The following GPHN variants were observed in gnomAD, a reference collection of about 807,000 sequenced individuals.
The protein encoded by GPHN is gephyrin.
In GPHN, 17 loss-of-function variants were observed where a neutral mutation model predicts 95.5. That is an observed-to-expected ratio of 0.18 (90% CI 0.12 to 0.27). GPHN has a LOEUF of 0.27. Among genes scored for constraint, GPHN ranks in the 10% least tolerant of loss-of-function variants. The pLI, the probability that GPHN is intolerant of heterozygous loss-of-function variation, is 1.00. For synonymous variants in GPHN, 320 were observed against 322.5 expected (o/e 0.99, Z 0.08); for missense variants, 660 against 978.1 (o/e 0.67, Z 4.34).
intron 1 of GPHN, among the ~76,000 whole-genome samples, chr14:66,677,257 T>G (rs1448453199): frequency 2.0e-5 from 3 of 152,056 alleles, no homozygotes; most frequent in Non-Finnish European, 4.4e-5. Context: ...CCTTTGTGGG[T>G]TTTTGTCTCT....
intron 10 of GPHN, among the ~76,000 whole-genome samples, chr14:67,036,397 A>G (rs1027292505): frequency 6.6e-6 from 1 of 151,674 alleles, no homozygotes; most frequent in Non-Finnish European, 1.5e-5. Context: ...ATGAAAAGAA[A>G]GAAAATGCAT....
the GPHN span, among the ~76,000 whole-genome samples, chr14:67,536,921 TC>T: frequency 2.0e-5 from 3 of 151,432 alleles, no homozygotes; most frequent in African/African-American, 7.3e-5. Context: ...CCGCCTGTAA[TC>T]CCCGCTACTC....
intron 9 of GPHN, among the ~76,000 whole-genome samples, chr14:66,977,222 G>C (rs561304530): frequency 1.3e-5 from 2 of 152,124 alleles, no homozygotes; most frequent in Admixed American, 1.3e-4. Flanking sequence ...ACGAGGCCAG[G>C]AGATCGAGAC....
At chr14:66,756,203 A>G (rs900777243) in intron 2 of GPHN, among the ~76,000 whole-genome samples, 6 of 152,202 alleles carry the variant, frequency 3.9e-5, no homozygotes, top group African/African-American at 1.4e-4. Flanking sequence ...GATTTAATAT[A>G]CCTATAATAA....
At chr14:67,167,222 A>T (rs2082332929) in intron 20 of GPHN, among the ~76,000 whole-genome samples, 1 of 152,242 alleles carries the variant, frequency 6.6e-6, no homozygotes, top group Non-Finnish European at 1.5e-5. Flanking sequence ...AGTTTTTTAT[A>T]TCAGTCCTTC....
At chr14:67,654,218 C>T in the GPHN span, among the ~76,000 whole-genome samples, 1 of 152,168 alleles carries the variant, frequency 6.6e-6, no homozygotes, top group Non-Finnish European at 1.5e-5. Flanking sequence ...GCAATAACCC[C>T]ACATGTCCCC....
chr14:67,393,045 G>T, the GPHN span: 1 of 971,848 alleles, frequency 1.0e-6, no homozygotes, highest in Non-Finnish European at 1.7e-6. Flanking sequence ...CTGTTGCCCA[G>T]CAGGCAGCTC....
intron 4 of GPHN, among the ~76,000 whole-genome samples, chr14:66,836,754 A>T: frequency 6.6e-6 from 1 of 151,800 alleles, no homozygotes; most frequent in Non-Finnish European, 1.5e-5. Context: ...CAAGAAAAAA[A>T]CAAACAACCC....
the GPHN span, chr14:67,685,145 G>A: frequency 4.3e-6 from 7 of 1,614,184 alleles, no homozygotes; most frequent in South Asian, 7.7e-5. Context: ...AAAGATGAGT[G>A]CCGAACCAGT....
the GPHN span, chr14:67,579,294 A>C: frequency 6.5e-7 from 1 of 1,542,422 alleles, no homozygotes; most frequent in Non-Finnish European, 8.7e-7. Flanking sequence ...CGTGCACTTT[A>C]CCAACGGGAC....
At chr14:67,415,290 A>G in the GPHN span, among the ~76,000 whole-genome samples, 1 of 152,300 alleles carries the variant, frequency 6.6e-6, no homozygotes, top group South Asian at 2.1e-4. Context: ...ATAATAGCTA[A>G]TAAGTATCTT....
At chr14:67,601,313 C>T in the GPHN span, among the ~76,000 whole-genome samples, 3 of 152,042 alleles carry the variant, frequency 2.0e-5, no homozygotes, top group Non-Finnish European at 4.4e-5. Flanking sequence ...AATCAAAAGG[C>T]GAGAAAGGTT....
At chr14:67,370,625 T>C in the GPHN span, among the ~76,000 whole-genome samples, 2 of 152,216 alleles carry the variant, frequency 1.3e-5, no homozygotes, top group Admixed American at 1.3e-4. Flanking sequence ...AATTAGTGAA[T>C]TCCTTGCAAA....
the GPHN span, chr14:67,555,786 C>T: frequency 6.2e-7 from 1 of 1,609,852 alleles, no homozygotes; most frequent in Non-Finnish European, 8.5e-7. Context: ...ACAGTAGGGA[C>T]ATGGCACCTA....
chr14:66,867,298 T>G (rs1352212274), intron 4 of GPHN, among the ~76,000 whole-genome samples: 15 of 152,168 alleles, frequency 9.9e-5, no homozygotes, highest in Admixed American at 7.2e-4. Context: ...TTATTATAAG[T>G]TGATGTGGTT....
chr14:67,473,325 G>A, the GPHN span: 1 of 1,516,798 alleles, frequency 6.6e-7, no homozygotes. The surrounding 1 kb of genome is among the most constrained non-coding windows in gnomAD (Gnocchi z 6.5). Flanking sequence ...GGCCGGAGCA[G>A]GGCTTTTGCT....
the GPHN span, among the ~76,000 whole-genome samples, chr14:67,225,609 A>C: frequency 2.6e-5 from 4 of 151,944 alleles, no homozygotes; most frequent in Admixed American, 2.0e-4. Flanking sequence ...AATACAATCA[A>C]GACCTCTTTT....
chr14:67,473,727 C>A, the GPHN span: 6 of 1,610,858 alleles, frequency 3.7e-6, no homozygotes, highest in Non-Finnish European at 5.1e-6. This position sits in a 1 kb window ranked among gnomAD's most constrained non-coding sequence, Gnocchi z 6.5. Context: ...GCCGCGCAGC[C>A]GCAGGTACAT....
chr14:66,972,379 G>A (rs1474897955), intron 9 of GPHN, among the ~76,000 whole-genome samples: 1 of 151,410 alleles, frequency 6.6e-6, no homozygotes, highest in Non-Finnish European at 1.5e-5. Context: ...TTATTTTTGA[G>A]AAAATGTATA....
Sources: allele counts gnomAD v4.1 joint callset (sites outside exome capture counted in the v4.1 genomes callset), GRCh38; gene constraint gnomAD v4.1.1; non-coding constraint Gnocchi (gnomAD v3.1); transcripts MANE v1.5; gene names NCBI Gene and HGNC (gene_info 2026-07-23, HGNC 2026-07-21).